PPIL4: variants seen among roughly 807,000 people sequenced by gnomAD.
PPIL4 encodes peptidylprolyl isomerase like 4.
Under a neutral mutation model 69.1 loss-of-function variants are expected in PPIL4, and 50 were observed. The ratio of observed to expected loss-of-function variants is 0.72; its 90% confidence interval spans 0.58 to 0.92. PPIL4 has a LOEUF of 0.92. Ranked by LOEUF, PPIL4 falls within the 40% of genes least tolerant of loss-of-function variation. The probability of loss-of-function intolerance (pLI) is 0.00; values close to 1 mark genes in which losing one functional copy is unlikely to be tolerated. For missense variants in PPIL4, 480 were observed against 587.9 expected (o/e 0.82, Z 1.90); for synonymous variants, 193 against 191.6 (o/e 1.01, Z -0.06).
At chr6:149,508,657 G>A (rs1776799680) in intron 12 of PPIL4, among the ~76,000 whole-genome samples, 1 of 152,116 alleles carries the variant, frequency 6.6e-6, no homozygotes, top group African/African-American at 2.4e-5. Context: ...GAAAACCCCA[G>A]TGGAAAACTG....
chr6:149,529,956 A>T (rs1431312553), intron 7 of PPIL4, among the ~76,000 whole-genome samples: 11 of 152,182 alleles, frequency 7.2e-5, no homozygotes, highest in Admixed American at 7.2e-4. Flanking sequence ...AACTATATAG[A>T]CAGTAAAAAC....
intron 11 of PPIL4, among the ~76,000 whole-genome samples, chr6:149,515,101 G>A (rs933719039): frequency 1.3e-5 from 2 of 151,300 alleles, no homozygotes; most frequent in Non-Finnish European, 2.9e-5. Flanking sequence ...GCCTCCCAGA[G>A]TGCTGGGATT....
chr6:149,543,942 G>A (rs1049577240), intron 1 of PPIL4, among the ~76,000 whole-genome samples: 7 of 152,316 alleles, frequency 4.6e-5, no homozygotes, highest in African/African-American at 1.7e-4. Context: ...TGGAAGGTAG[G>A]TAAGTCTGGA....
intron 9 of PPIL4, among the ~76,000 whole-genome samples, chr6:149,524,271 C>T (rs1347673242): frequency 1.3e-5 from 2 of 152,154 alleles, no homozygotes; most frequent in African/African-American, 4.8e-5. Flanking sequence ...AGGGGATGGT[C>T]CCTATCTTAC....
At chr6:149,514,148 G>C (rs1490213124) in intron 11 of PPIL4, among the ~76,000 whole-genome samples, 1 of 152,210 alleles carries the variant, frequency 6.6e-6, no homozygotes, top group Non-Finnish European at 1.5e-5. Context: ...GATGGCTAAA[G>C]AGGGTTAGTC....
intron 11 of PPIL4, among the ~76,000 whole-genome samples, chr6:149,512,752 AT>A (rs1343830569): frequency 6.6e-6 from 1 of 151,630 alleles, no homozygotes; most frequent in Non-Finnish European, 1.5e-5. Context: ...TCTTCTTATT[AT>A]TTTTTTTGAG....
At chr6:149,533,400 CTCAG>C (rs1777227800) in intron 7 of PPIL4, 54 bp downstream of exon 7, 4 of 913,686 alleles carry the variant, frequency 4.4e-6, no homozygotes, top group South Asian at 1.5e-5. Flanking sequence ...GAAATAAACA[CTCAG>C]TAAGTATTAT....
intron 7 of PPIL4, among the ~76,000 whole-genome samples, chr6:149,531,654 G>A (rs77416485): frequency 0.011 from 1,632 of 152,140 alleles, 30 homozygotes; most frequent in African/African-American, 0.038. Flanking sequence ...GGCAAAATTG[G>A]AATATAAACT....
At chr6:149,513,899 G>A (rs970431725) in intron 11 of PPIL4, among the ~76,000 whole-genome samples, 2 of 152,202 alleles carry the variant, frequency 1.3e-5, no homozygotes, top group African/African-American at 4.8e-5. Context: ...CTCAAAGGTG[G>A]ATTTTGAGGA....
rs1777349508 is a variant in PPIL4, at chr6:149,540,931, C to T, written c.321+11G>A. ...TCTAAGCAAATCTCATATTCTTACT[C>T]ATTTCCTAACCTGAGATCCATGTTG... On this transcript the variant is annotated intron_variant, in intron 4 of 12. Coordinates refer to ENST00000253329, the MANE Select transcript of PPIL4 (RefSeq NM_139126.4). 1.4e-6 allele frequency: 2 copies of T among 1,479,208 alleles called. No individual in the cohort carries two copies. Among genetic ancestry groups the T allele is most frequent in the East Asian group, 2.3e-5 (1 of 44,206 alleles). 91.6% of individuals were successfully genotyped at this position (1,479,208 alleles called of 1,614,324 possible).
chr6:149,535,010 A>C (rs1777253385), intron 5 of PPIL4, among the ~76,000 whole-genome samples: 1 of 152,190 alleles, frequency 6.6e-6, no homozygotes, highest in African/African-American at 2.4e-5. Context: ...ATAACTGTCT[A>C]AATCTTAGTA....
intron 12 of PPIL4, among the ~76,000 whole-genome samples, chr6:149,510,737 C>T (rs886693700): frequency 5.9e-5 from 9 of 151,440 alleles, no homozygotes; most frequent in Non-Finnish European, 1.5e-5. Context: ...AGCAAAACTC[C>T]GTCTCAAAAA....
At chr6:149,520,164 A>G (rs570014342) in intron 10 of PPIL4, among the ~76,000 whole-genome samples, 2 of 152,256 alleles carry the variant, frequency 1.3e-5, no homozygotes, top group South Asian at 4.1e-4. Flanking sequence ...AAGGTACAAA[A>G]ACAGTATGTA....
At chr6:149,529,784 G>A (rs1366329189) in intron 7 of PPIL4, among the ~76,000 whole-genome samples, 1 of 148,110 alleles carries the variant, frequency 6.8e-6, no homozygotes, top group Non-Finnish European at 1.5e-5. Context: ...AAAAAGGAGG[G>A]AAAGAAAAGA....
At chr6:149,532,114 A>G (rs1166295409) in intron 7 of PPIL4, among the ~76,000 whole-genome samples, 1 of 152,230 alleles carries the variant, frequency 6.6e-6, no homozygotes, top group Non-Finnish European at 1.5e-5. Context: ...CAGGCAACTT[A>G]CTGTCAAATA....
At chr6:149,522,368 A>G (rs1777041636) in intron 9 of PPIL4, among the ~76,000 whole-genome samples, 1 of 152,240 alleles carries the variant, frequency 6.6e-6, no homozygotes, top group African/African-American at 2.4e-5. Context: ...ATCTTCAAAA[A>G]CAACAAAGTT....
intron 1 of PPIL4, 25 bp from the exon 2 acceptor site, chr6:149,541,611 T>TACTTTA: frequency 7.9e-7 from 1 of 1,264,626 alleles, no homozygotes; most frequent in Non-Finnish European, 1.2e-6. Context: ...ATACCAAATT[T>TACTTTA]ATCACAGTAA....
chr6:149,512,215 G>C lies in PPIL4; in HGVS notation c.1167C>G (p.Thr389=), dbSNP rs377351697. 3 of 1,612,964 alleles carry C rather than the reference G, an allele frequency of 1.9e-6. No homozygotes were observed. Among genetic ancestry groups the C allele is most frequent in the African/African-American group, 2.7e-5 (2 of 74,826 alleles). ...SHTSKKHKKK[T]HHCSEEKEDE... ...CTTCTTTCTCTTCAGAACAGTGATG[G>C]GTTTTCTTCTTGTGTTTTTTACTTG... The change falls in exon 12 of 13, where the codon ACC becomes ACG. Residue 389 remains threonine, a synonymous_variant. Transcript: ENST00000253329.
At chr6:149,514,179 G>C (rs1284513774) in intron 11 of PPIL4, among the ~76,000 whole-genome samples, 1 of 152,188 alleles carries the variant, frequency 6.6e-6, no homozygotes, top group Non-Finnish European at 1.5e-5. Flanking sequence ...ATTCGGTTAT[G>C]ACTCCATTAT....
Sources: gnomAD v4.1 joint callset for allele counts (sites outside exome capture counted in the v4.1 genomes callset) on GRCh38, gnomAD v4.1.1 for gene constraint, MANE v1.5 for transcripts, NCBI Gene and HGNC (gene_info 2026-07-23, HGNC 2026-07-21) for gene names.